Variants in SNX29 observed in about 807,000 individuals in gnomAD.
SNX29 encodes sorting nexin-29.
In SNX29, 78 loss-of-function variants were observed where a neutral mutation model predicts 102.1. The ratio of observed to expected loss-of-function variants is 0.76; its 90% CI spans 0.64 to 0.92. The LOEUF is 0.92. Ranked by LOEUF, SNX29 falls within the 40% of genes least tolerant of loss-of-function variation. The pLI, the probability that SNX29 is intolerant of heterozygous loss-of-function variation, is 0.00. For synonymous variants in SNX29, 580 were observed against 414.5 expected (o/e 1.40, Z -4.85); for missense variants, 1,280 against 1,061.7 (o/e 1.21, Z -2.86).
intron 18 of SNX29, among the ~76,000 whole-genome samples, chr16:12,410,203 C>T (rs554351846): frequency 1.7e-4 from 26 of 152,208 alleles, no homozygotes; most frequent in Middle Eastern, 3.4e-3. Flanking sequence ...GCTGTGTTAG[C>T]CAGGGTGGTC....
Position 12,444,116 on chromosome 16 carries a change from C to T in SNX29, c.2038-33603C>T, listed in dbSNP as rs755278646. Among the ~76,000 whole-genome samples the T allele has an allele frequency of 1.3e-5, 2 of 152,012 alleles. 1 individual carries two copies. Among genetic ancestry groups the T allele is most frequent in the African/African-American group, 4.8e-5 (2 of 41,318 alleles). The stretch of plus-strand genomic sequence containing the variant: ...AGTATAGCACCTAGCACGTAGTAAG[C>T]ACTCAGTATAGCACCTAGCACGTAG... On this transcript the variant is annotated intron_variant, in intron 18 of 20. Transcript: ENST00000566228.
intron 20 of SNX29, chr16:12,560,743 G>C (rs1293018808): frequency 5.9e-6 from 1 of 169,992 alleles, no homozygotes; most frequent in African/African-American, 2.4e-5. Flanking sequence ...ACCAACCTCT[G>C]CTCCTGATTA....
intron 18 of SNX29, among the ~76,000 whole-genome samples, chr16:12,472,424 C>T (rs968558042): frequency 2.7e-5 from 4 of 147,742 alleles, no homozygotes; most frequent in East Asian, 2.1e-4. Flanking sequence ...GAAGCTGAGG[C>T]GGGAGAATCA....
In SNX29 at chr16:12,572,856, C is replaced by G. The variant is rs987195938; in HGVS notation, c.*4227C>G. ...GGCAGCCTCATGCCCAGGTTTCAGC[C>G]CTAAAGGTAATGATTGTCTTGACTC... On this transcript the variant is annotated 3_prime_UTR_variant, in exon 21 of 21. Transcript: ENST00000566228. 11 of 1,063,580 alleles carry G rather than the reference C, an allele frequency of 1.0e-5. No homozygotes were observed. The African/African-American group carries it at 1.8e-4, about 17-fold the overall frequency. The allele number at this position is 1,063,580 out of a possible 1,614,324, so 65.9% of individuals were successfully genotyped here.
intron 14 of SNX29, among the ~76,000 whole-genome samples, chr16:12,276,771 TTTC>T (rs2079265024): frequency 1.3e-5 from 2 of 152,284 alleles, no homozygotes; most frequent in South Asian, 4.2e-4. Flanking sequence ...ATTCTCAGCT[TTTC>T]TTTATTTGTT....
At position 12,178,587 on chromosome 16, in the gene SNX29, C is replaced by T. The variant is rs546870642; in HGVS notation, c.1596-21014C>T. Among the ~76,000 whole-genome samples the T allele has an allele frequency of 3.7e-4, 56 of 152,290 alleles. 1 individual carries two copies. In the Middle Eastern group the frequency reaches 0.014, roughly 37 times the overall value. Reference sequence around the variant, plus strand: ...TGGAACCCCCAACAGTTGGGAAGCTCGCTTGATAGGCCTTCTGACTTTTTG... The same window carrying T: ...TGGAACCCCCAACAGTTGGGAAGCTTGCTTGATAGGCCTTCTGACTTTTTG... On this transcript the variant is annotated intron_variant, in intron 13 of 20. Transcript: ENST00000566228.
chr16:12,303,556 T>C (rs919415551), intron 15 of SNX29, among the ~76,000 whole-genome samples: 1 of 152,114 alleles, frequency 6.6e-6, no homozygotes. Flanking sequence ...GAATTCACAC[T>C]TGTGGGAAGC....
At position 12,572,841 on chromosome 16, in the gene SNX29, TG is replaced by T; in HGVS notation, c.*4213del. 1 of 1,063,816 alleles carries T rather than the reference TG, an allele frequency of 9.4e-7. No individual in the cohort carries two copies. The highest frequency in any genetic ancestry group is 1.1e-6 in the Non-Finnish European group (1 of 878,302). 65.9% of individuals were successfully genotyped at this position (1,063,816 alleles called of 1,614,324 possible). The stretch of plus-strand genomic sequence containing the variant: ...AGGCATCCCAGAAGGGGCAGCCTCA[TG>T]CCCAGGTTTCAGCCCTAAAGGTAAT... On this transcript the variant is annotated 3_prime_UTR_variant, in exon 21 of 21. Transcript: ENST00000566228.
intron 18 of SNX29, among the ~76,000 whole-genome samples, chr16:12,465,568 G>C (rs1335279054): frequency 1.3e-5 from 2 of 152,110 alleles, no homozygotes; most frequent in African/African-American, 4.8e-5. Context: ...CATGGTCTAT[G>C]TGTCTGTTTT....
chr16:12,100,345 C>T (rs1215368280), intron 11 of SNX29, among the ~76,000 whole-genome samples: 3 of 152,182 alleles, frequency 2.0e-5, no homozygotes, highest in Admixed American at 2.0e-4. Flanking sequence ...GCACCACCAC[C>T]AGTTGTGACA....
chr16:12,137,487 C>T (rs1262876537), intron 13 of SNX29, among the ~76,000 whole-genome samples: 1 of 152,162 alleles, frequency 6.6e-6, no homozygotes, highest in Admixed American at 6.5e-5. Context: ...GCAGTGAGAA[C>T]TTCCTTGACA....
intron 20 of SNX29, among the ~76,000 whole-genome samples, chr16:12,528,842 T>C (rs1344294130): frequency 6.6e-6 from 1 of 152,204 alleles, no homozygotes; most frequent in South Asian, 2.1e-4. Context: ...TCAGGAATGG[T>C]GGTCCCATTC....
chr16:12,081,674 C>CAAAAAAAAAAAAAAAAAAAAAAAA (rs1196859241), intron 11 of SNX29: 5 of 95,386 alleles, frequency 5.2e-5, no homozygotes, highest in Non-Finnish European at 8.1e-5. Flanking sequence ...CTCTTTGTCT[C>CAAAAAAAAAAAAAAAAAAAAAAAA]AAAAAAAAAA....
intron 20 of SNX29, among the ~76,000 whole-genome samples, chr16:12,553,223 G>T (rs180840157): frequency 1.3e-5 from 2 of 152,150 alleles, no homozygotes; most frequent in African/African-American, 2.4e-5. Context: ...GCTCGCAGAT[G>T]GGGACTTGAG....
chr16:12,337,575 C>T (rs950644108), intron 15 of SNX29, among the ~76,000 whole-genome samples: 23 of 152,144 alleles, frequency 1.5e-4, no homozygotes, highest in African/African-American at 5.6e-4. Context: ...CTCCTGGGTT[C>T]AAGCGATCCT....
At chr16:12,480,812 G>A (rs1373371089) in intron 19 of SNX29, among the ~76,000 whole-genome samples, 4 of 152,216 alleles carry the variant, frequency 2.6e-5, no homozygotes, top group African/African-American at 9.6e-5. Flanking sequence ...GCATCCTGTA[G>A]AAAGAGGGCA....
Position 12,026,335 on chromosome 16 carries a change from C to T in SNX29, c.123-985C>T, listed in dbSNP as rs541930741. On this transcript the variant is annotated intron_variant, in intron 3 of 20. Transcript: ENST00000566228. ...ATGGTCTGGTTAACTTATTTGTGTA[C>T]CTCCCTTTGCTAGAAACATGCACAT... Among the ~76,000 whole-genome samples, 5 of 152,358 alleles carry T rather than the reference C, an allele frequency of 3.3e-5. No homozygotes were observed. The South Asian group carries it at 1.0e-3, about 32-fold the overall frequency.
chr16:12,248,644 G>C (rs929709345), intron 14 of SNX29, among the ~76,000 whole-genome samples: 6 of 152,030 alleles, frequency 3.9e-5, no homozygotes, highest in African/African-American at 9.7e-5. Flanking sequence ...TTGAACTCCT[G>C]ATCTCAAGTG....
chr16:12,103,786 C>G (rs1567208893), intron 11 of SNX29, among the ~76,000 whole-genome samples: 1 of 152,214 alleles, frequency 6.6e-6, no homozygotes, highest in Non-Finnish European at 1.5e-5. Flanking sequence ...TTTTTGCAAT[C>G]TATCCATCTG....
Sources: gnomAD v4.1 joint callset for allele counts (sites outside exome capture counted in the v4.1 genomes callset) on GRCh38, gnomAD v4.1.1 for gene constraint, MANE v1.5 for transcripts, NCBI Gene and HGNC (gene_info 2026-07-23, HGNC 2026-07-21) for gene names.